FOXP2: variants seen among roughly 807,000 people sequenced by gnomAD.
FOXP2 encodes the protein forkhead box P2.
Under a neutral mutation model 115.8 loss-of-function variants are expected in FOXP2, and 12 were observed. The ratio of observed to expected loss-of-function variants is 0.10; its 90% confidence interval spans 0.07 to 0.17. The LOEUF (loss-of-function observed/expected upper bound fraction) is 0.17. FOXP2 is among the 10% of genes least tolerant of loss of function. The pLI, the probability that FOXP2 is intolerant of heterozygous loss-of-function variation, is 1.00. For missense variants in FOXP2, 629 were observed against 843.5 expected, an observed-to-expected ratio of 0.75 and a Z score of 3.15; for synonymous variants, 328 against 297.7, an observed-to-expected ratio of 1.10 and a Z score of -1.05.
chr7:114,590,963 G>C (rs560491421), intron 3 of FOXP2, among the ~76,000 whole-genome samples: 8 of 152,264 alleles, frequency 5.3e-5, no homozygotes, highest in African/African-American at 1.9e-4. Flanking sequence ...CAACTTTAAA[G>C]TAAATTCAAA....
At chr7:114,405,731 G>C (rs1793020528) in intron 2 of FOXP2, among the ~76,000 whole-genome samples, 2 of 151,830 alleles carry the variant, frequency 1.3e-5, no homozygotes, top group African/African-American at 4.8e-5. Context: ...TGTTATCTAT[G>C]ATGCAAACTA....
chr7:114,627,813 A>G (rs1804677258), intron 3 of FOXP2, among the ~76,000 whole-genome samples: 1 of 152,146 alleles, frequency 6.6e-6, no homozygotes, highest in African/African-American at 2.4e-5. Context: ...TTCCTATTAT[A>G]AGCTCAGTTG....
At chr7:114,236,460 C>T (rs930373948) in intron 1 of FOXP2, among the ~76,000 whole-genome samples, 1 of 152,142 alleles carries the variant, frequency 6.6e-6, no homozygotes, top group African/African-American at 2.4e-5. Flanking sequence ...TATTTAGTGT[C>T]TGCCTAATAT....
intron 1 of FOXP2, among the ~76,000 whole-genome samples, chr7:114,148,367 A>G (rs535540987): frequency 6.6e-6 from 1 of 151,992 alleles, no homozygotes; most frequent in East Asian, 1.9e-4. Flanking sequence ...TTTTTCCTTA[A>G]TTTCTGTAAT....
intron 2 of FOXP2, among the ~76,000 whole-genome samples, chr7:114,323,197 A>G (rs1797471188): frequency 6.6e-6 from 1 of 152,148 alleles, no homozygotes; most frequent in African/African-American, 2.4e-5. Flanking sequence ...ATACAATGAC[A>G]ATCCATTATC....
chr7:114,400,983 G>A (rs542377226), intron 2 of FOXP2, among the ~76,000 whole-genome samples: 5 of 152,234 alleles, frequency 3.3e-5, no homozygotes, highest in East Asian at 1.9e-4. Context: ...AGAGGAAATA[G>A]CAGGAGTAAG....
chr7:114,693,746 A>G lies in FOXP2; in HGVS notation c.*3820A>G, dbSNP rs945814620. 10 of 313,446 alleles carry G rather than the reference A, an allele frequency of 3.2e-5. No homozygotes were observed. The highest frequency in any genetic ancestry group is 2.2e-4 in the African/African-American group (10 of 45,222). 19.4% of individuals were successfully genotyped at this position (313,446 alleles called of 1,614,324 possible). A position where few individuals can be genotyped will look rare whatever the true frequency, so the allele number is the denominator to read the frequency against. ...ACATTTCTGAAGTATAAATAAAAAAATCTAATTCTTTTTGACCCATTTATA... is the reference window on the plus strand; with the variant it reads ...ACATTTCTGAAGTATAAATAAAAAAGTCTAATTCTTTTTGACCCATTTATA... On this transcript the variant is annotated 3_prime_UTR_variant, in exon 17 of 17. Transcript: ENST00000350908.
chr7:114,458,004 A>T (rs1370076914), intron 2 of FOXP2, among the ~76,000 whole-genome samples: 1 of 152,234 alleles, frequency 6.6e-6, no homozygotes, highest in African/African-American at 2.4e-5. Context: ...AGAAATTAAG[A>T]TTTTAAAAAT....
At chr7:114,521,729 G>C (rs1798635827) in intron 2 of FOXP2, among the ~76,000 whole-genome samples, 1 of 146,754 alleles carries the variant, frequency 6.8e-6, no homozygotes. Flanking sequence ...TTGTGGTAAA[G>C]TCATGGGTAA....
At position 114,130,145 on chromosome 7, in the gene FOXP2, C is replaced by A. The variant is rs1049268735; in HGVS notation, c.-246-32799C>A. Among the ~76,000 whole-genome samples, 3 of 151,964 alleles carry A rather than the reference C, an allele frequency of 2.0e-5. No homozygotes were observed. The East Asian group carries it at 5.8e-4, about 29-fold the overall frequency. ...CCTAGGTAATGTGGTGAAACCCCAT[C>A]TCTACCAAAAAATAAAAATAAAATA... On this transcript the variant is annotated intron_variant, in intron 1 of 19. Coordinates refer to the FOXP2 transcript ENST00000635638.
intron 2 of FOXP2, among the ~76,000 whole-genome samples, chr7:114,474,631 T>C (rs1168026137): frequency 6.6e-6 from 1 of 152,182 alleles, no homozygotes; most frequent in Non-Finnish European, 1.5e-5. Context: ...TAAGATTTAG[T>C]GGTGATTGGT....
rs372559065 is a variant in FOXP2 at position 114,653,898 on chromosome 7, C to T, written c.1183-28C>T. The stretch of plus-strand genomic sequence containing the variant: ...ATAGCTGTATCAGTCATTTCTAAAA[C>T]GCTTCTGATCTCACTCTTTCTTAAC... On this transcript the variant is annotated intron_variant, in intron 9 of 16. Coordinates refer to ENST00000350908, the MANE Select transcript of FOXP2 (RefSeq NM_014491.4). The T allele has an allele frequency of 8.0e-5, 128 of 1,604,494 alleles. 2 individuals carry two copies. The highest frequency in any genetic ancestry group is 5.3e-4 in the South Asian group (48 of 90,928).
In FOXP2 at chr7:114,664,427, A is replaced by G. The variant is rs1355061824; in HGVS notation, c.1994A>G (p.Gln665Arg). 6 of 1,613,466 alleles carry G rather than the reference A, an allele frequency of 3.7e-6. No homozygotes were observed. Among genetic ancestry groups the G allele is most frequent in the Non-Finnish European group, 4.2e-6 (5 of 1,179,606 alleles). Residue 665 changes from glutamine to arginine, a missense_variant, in exon 16 of 17, where the codon CAG becomes CGG. By Grantham distance (43) the Gln-to-Arg change is conservative. Transcript: ENST00000350908. ...AACAGTAGTCCGGGCTGCTCACCTC[A>G]GCCGCACATGTAAGTGTGGTTAACA... ...NGNSSPGCSP[Q>R]PHIHSIHVKE...
At chr7:114,260,992 A>G (rs1584587981) in intron 1 of FOXP2, among the ~76,000 whole-genome samples, 1 of 152,310 alleles carries the variant, frequency 6.6e-6, no homozygotes, top group African/African-American at 2.4e-5. Flanking sequence ...ATGTCTGTAT[A>G]AGATTACTGT....
intron 5 of FOXP2, 92 bp from the exon 6 acceptor site, chr7:114,631,436 G>A: frequency 6.5e-7 from 1 of 1,540,814 alleles, no homozygotes; most frequent in African/African-American, 1.4e-5. Flanking sequence ...AACCCACTCA[G>A]GCAATGAAAG....
Position 114,658,076 on chromosome 7 carries a change from T to C in FOXP2, c.1277T>C (p.Val426Ala), listed in dbSNP as rs1056692528. 3 of 1,613,836 alleles carry C rather than the reference T, an allele frequency of 1.9e-6. No homozygotes were observed. Among genetic ancestry groups the C allele is most frequent in the Non-Finnish European group, 2.5e-6 (3 of 1,179,814 alleles). ...CTTGGGCCTTTGCAGCTAAATCTGG[T>C]GTCTAGTGTCACCATGTCGAAGAAT... ...PKPSPKPLNL[V>A]SSVTMSKNML... is the part of the protein sequence containing the mutation. Residue 426 changes from valine (V) to alanine (A), a missense_variant, in exon 11 of 17, where the codon GTG becomes GCG. Physicochemically the swap from Val to Ala is moderately conservative, Grantham distance 64. This residue lies in a region of FOXP2 where 101 missense variants were observed against 116.0 expected (regional missense o/e 0.87). Transcript: ENST00000350908.
chr7:114,655,760 G>T (rs1806553070), intron 10 of FOXP2, among the ~76,000 whole-genome samples: 1 of 152,086 alleles, frequency 6.6e-6, no homozygotes, highest in South Asian at 2.1e-4. Context: ...AGCTCTGTTG[G>T]TTCATCACTG....
intron 2 of FOXP2, among the ~76,000 whole-genome samples, chr7:114,295,759 T>C (rs1470448626): frequency 6.6e-6 from 1 of 152,220 alleles, no homozygotes; most frequent in African/African-American, 2.4e-5. Flanking sequence ...AAGCAATGCA[T>C]GTGAGAGCCT....
At chr7:114,501,348 C>T (rs901929897) in intron 2 of FOXP2, among the ~76,000 whole-genome samples, 3 of 152,180 alleles carry the variant, frequency 2.0e-5, no homozygotes, top group Non-Finnish European at 2.9e-5. Flanking sequence ...TACTCCAGTG[C>T]GGTTTTCATT....
Sources: gnomAD v4.1 joint callset for allele counts (sites outside exome capture counted in the v4.1 genomes callset) on GRCh38, gnomAD v4.1.1 for gene constraint, gnomAD v4.1.1 regional missense constraint, MANE v1.5 for transcripts, NCBI Gene and HGNC (gene_info 2026-07-23, HGNC 2026-07-21) for gene names.